KYAT3: variants seen among roughly 807,000 people sequenced by gnomAD.
The protein encoded by KYAT3 is kynurenine aminotransferase 3, also known as kynurenine--oxoglutarate transaminase 3.
Under a neutral mutation model 59.0 loss-of-function variants are expected in KYAT3, and 50 were observed. The ratio of observed to expected loss-of-function variants is 0.85; its 90% confidence interval spans 0.68 to 1.07. The LOEUF (loss-of-function observed/expected upper bound fraction) is 1.07. Ranked by LOEUF, KYAT3 falls within the 50% of genes least tolerant of loss-of-function variation. The probability of loss-of-function intolerance (pLI) is 0.00; values close to 1 mark genes in which losing one functional copy is unlikely to be tolerated. For synonymous variants in KYAT3, 148 were observed against 177.0 expected, an observed-to-expected ratio of 0.84 and a Z score of 1.30; for missense variants, 497 against 533.3, an observed-to-expected ratio of 0.93 and a Z score of 0.67.
At chr1:88,942,920 C>A (rs1208740672) in intron 13 of KYAT3, 85 bp downstream of exon 13, 16 of 1,053,604 alleles carry the variant, frequency 1.5e-5, no homozygotes, top group Non-Finnish European at 2.3e-5. Context: ...ATGAGCATAT[C>A]ATTTTTAGAA....
chr1:88,928,718 C>T, the KYAT3 span, among the ~76,000 whole-genome samples: 1 of 152,074 alleles, frequency 6.6e-6, no homozygotes, highest in African/African-American at 2.4e-5. Context: ...GTATGCTAGA[C>T]CATTGAGGGC....
At chr1:88,940,431 T>A (rs565510234) in intron 13 of KYAT3, among the ~76,000 whole-genome samples, 1 of 152,236 alleles carries the variant, frequency 6.6e-6, no homozygotes, top group African/African-American at 2.4e-5. Context: ...TGCCAAAGCA[T>A]GCACTATACC....
At chr1:88,928,761 A>G in the KYAT3 span, among the ~76,000 whole-genome samples, 3 of 152,152 alleles carry the variant, frequency 2.0e-5, no homozygotes, top group African/African-American at 7.2e-5. Context: ...ACACTGGCAC[A>G]GCCTTCTCAG....
Position 88,943,086 on chromosome 1 carries a change from T to C in KYAT3, c.1221A>G (p.Leu407=). 1.2e-6 allele frequency: 2 copies of C among 1,608,440 alleles called. No homozygotes were observed. The highest frequency in any genetic ancestry group is 1.7e-6 in the Non-Finnish European group (2 of 1,175,934). ...AGAATGCTGAAACGGGGATGGCTGA[T>C]AGTTTCTGAAAAATAAATAGAAACA... ...FVKWMTKHKK[L]SAIPVSAFCN... Residue 407 remains leucine, a synonymous_variant, in exon 13 of 14, where the codon CTA becomes CTG. Transcript: ENST00000260508.
downstream of KYAT3, among the ~76,000 whole-genome samples, chr1:88,935,166 T>A (rs1674990290): frequency 6.6e-6 from 1 of 151,298 alleles, no homozygotes; most frequent in South Asian, 2.1e-4. Flanking sequence ...GCCAATTTTT[T>A]TTTTTTTTGT....
intron 9 of KYAT3, among the ~76,000 whole-genome samples, chr1:88,954,784 TA>T (rs1435276084): frequency 1.3e-5 from 2 of 152,264 alleles, no homozygotes. Flanking sequence ...TTTATTTCAT[TA>T]TTTTTTTAAA....
At chr1:88,965,102 A>G (rs975578091) in intron 4 of KYAT3, 124 bp from the exon 5 acceptor site, 8 of 682,766 alleles carry the variant, frequency 1.2e-5, no homozygotes, top group Non-Finnish European at 1.7e-5. Flanking sequence ...TTACCCCAAG[A>G]AAATTTATAT....
At chr1:88,991,342 T>G (rs185639386) in intron 1 of KYAT3, among the ~76,000 whole-genome samples, 1 of 152,356 alleles carries the variant, frequency 6.6e-6, no homozygotes, top group African/African-American at 2.4e-5. Context: ...AGATTTAATT[T>G]GACAAAGTCC....
chr1:88,947,952 T>C (rs2810874), intron 11 of KYAT3, among the ~76,000 whole-genome samples: 150,949 of 152,226 alleles, frequency 0.99, 74,852 homozygotes, highest in Middle Eastern at 1. Flanking sequence ...ATTAGCTAGG[T>C]GTGGTGGTGC....
chr1:88,958,592 A>G (rs184334485), intron 8 of KYAT3, among the ~76,000 whole-genome samples: 496 of 152,306 alleles, frequency 3.3e-3, no homozygotes, highest in Non-Finnish European at 5.7e-3. Context: ...CCTTTAGCAA[A>G]TACTACCACT....
intron 10 of KYAT3, among the ~76,000 whole-genome samples, chr1:88,952,755 A>C (rs1452945736): frequency 6.6e-6 from 1 of 152,198 alleles, no homozygotes; most frequent in Admixed American, 6.5e-5. Context: ...AATTCTTAGA[A>C]GATGGATTGC....
chr1:88,933,449 T>A (rs913562855), downstream of KYAT3, among the ~76,000 whole-genome samples: 1 of 149,844 alleles, frequency 6.7e-6, no homozygotes. Context: ...GTAAAGAAGA[T>A]AGGAACAAAG....
chr1:88,966,462 A>T (rs1676355085), intron 4 of KYAT3, among the ~76,000 whole-genome samples: 1 of 152,114 alleles, frequency 6.6e-6, no homozygotes, highest in Non-Finnish European at 1.5e-5. Flanking sequence ...TTTATTCTTA[A>T]ATGTTTTGTG....
At chr1:88,973,046 A>G (rs1429955888) in intron 2 of KYAT3, among the ~76,000 whole-genome samples, 3 of 152,234 alleles carry the variant, frequency 2.0e-5, no homozygotes, top group African/African-American at 4.8e-5. Context: ...CCCTAATCCA[A>G]TATGACTGGT....
At chr1:88,979,901 A>T (rs931775323) in intron 2 of KYAT3, 2 of 152,244 alleles carry the variant, frequency 1.3e-5, no homozygotes, top group African/African-American at 4.8e-5. Flanking sequence ...CAGTAGCCCC[A>T]AACTGGAAAC....
chr1:88,948,487 G>A (rs1365462480), intron 11 of KYAT3, among the ~76,000 whole-genome samples: 1 of 152,132 alleles, frequency 6.6e-6, no homozygotes. Context: ...AAAAAACAAT[G>A]CTTTTTGGAA....
chr1:88,972,111 G>A (rs1676576777), intron 2 of KYAT3, among the ~76,000 whole-genome samples: 3 of 152,186 alleles, frequency 2.0e-5, no homozygotes, highest in Admixed American at 2.0e-4. Context: ...TGTTTGTGAG[G>A]GCTGGCAAAT....
chr1:88,944,654 A>G (rs1405858123), intron 11 of KYAT3, among the ~76,000 whole-genome samples: 1 of 152,216 alleles, frequency 6.6e-6, no homozygotes, highest in African/African-American at 2.4e-5. Context: ...TACCAGCTAA[A>G]AAACTTAGTC....
chr1:88,948,335 A>C (rs1487087230), intron 11 of KYAT3, among the ~76,000 whole-genome samples: 2 of 152,192 alleles, frequency 1.3e-5, no homozygotes. Flanking sequence ...AATGGCTGTA[A>C]TTTCTGTCAT....
Sources: allele counts gnomAD v4.1 joint callset (sites outside exome capture counted in the v4.1 genomes callset), GRCh38; gene constraint gnomAD v4.1.1; transcripts MANE v1.5; gene names NCBI Gene and HGNC (gene_info 2026-07-23, HGNC 2026-07-21).